Variants in LAMB1 observed in about 807,000 individuals in gnomAD.
LAMB1 encodes laminin subunit beta-1.
A neutral mutation model predicts 222.3 loss-of-function variants in LAMB1; 121 were observed. That is an observed-to-expected ratio of 0.54 (90% CI 0.47 to 0.63). LAMB1 has a LOEUF of 0.63. Among genes scored for constraint, LAMB1 ranks in the 30% least tolerant of loss-of-function variants. LAMB1 has a pLI of 0.00. For missense variants in LAMB1, 2,172 were observed against 2,240.8 expected (o/e 0.97, Z 0.62); for synonymous variants, 794 against 807.2 (o/e 0.98, Z 0.28).
At chr7:107,969,571 A>G (rs767135387) in intron 13 of LAMB1, among the ~76,000 whole-genome samples, 21 of 152,342 alleles carry the variant, frequency 1.4e-4, no homozygotes, top group Non-Finnish European at 2.8e-4. Context: ...ATCACAGTAT[A>G]GTCATGTGTC....
At chr7:108,001,877 G>C in intron 2 of LAMB1, 144 bp from the exon 3 acceptor site, 1 of 1,487,598 alleles carries the variant, frequency 6.7e-7, no homozygotes, top group Non-Finnish European at 9.0e-7. Context: ...AAAGACAATG[G>C]AGAGATGAGC....
At chr7:107,932,472 T>A in intron 27 of LAMB1, 95 bp from the exon 28 acceptor site, 1 of 1,193,800 alleles carries the variant, frequency 8.4e-7, no homozygotes, top group Non-Finnish European at 1.2e-6. Context: ...AGAGAATGTG[T>A]AGGTGGTCCT....
intron 27 of LAMB1, among the ~76,000 whole-genome samples, chr7:107,934,292 G>A (rs1280762284): frequency 6.6e-6 from 1 of 152,150 alleles, no homozygotes; most frequent in Non-Finnish European, 1.5e-5. Context: ...AGAGGAGGGA[G>A]GAAGCATCAC....
At chr7:107,968,364 A>G (rs1355772083) in intron 13 of LAMB1, among the ~76,000 whole-genome samples, 2 of 152,246 alleles carry the variant, frequency 1.3e-5, no homozygotes, top group African/African-American at 4.8e-5. Context: ...ATAAGGACAT[A>G]AAATAAATAA....
At chr7:107,951,729 T>C (rs2033255076) in intron 23 of LAMB1, among the ~76,000 whole-genome samples, 1 of 152,126 alleles carries the variant, frequency 6.6e-6, no homozygotes, top group African/African-American at 2.4e-5. Context: ...AGAGTCTGCT[T>C]CAGCGCCCAG....
intron 13 of LAMB1, 27 bp downstream of exon 13, chr7:107,972,965 C>G (rs1562997477): frequency 6.4e-7 from 1 of 1,561,344 alleles, no homozygotes; most frequent in Non-Finnish European, 8.8e-7. Context: ...AGACTGAGGA[C>G]AAGAGCATAC....
At chr7:107,978,409 CTGAG>C (rs1305520907) in intron 8 of LAMB1, among the ~76,000 whole-genome samples, 4 of 148,170 alleles carry the variant, frequency 2.7e-5, no homozygotes, top group African/African-American at 7.5e-5. Flanking sequence ...AAATATTTTA[CTGAG>C]TATCTATGAA....
rs2033806705 is a variant in LAMB1 at position 107,974,189 on chromosome 7, G to C, written c.1482+797C>G. ...GGGGTAGTGAATCCTCCCTAAATTAGAAAGTATAACAATGTTATTAAAAAT... is the reference window on the plus strand; with the variant it reads ...GGGGTAGTGAATCCTCCCTAAATTACAAAGTATAACAATGTTATTAAAAAT... On this transcript the variant is annotated intron_variant, in intron 12 of 33. Transcript: ENST00000222399. 2.0e-5 allele frequency among the ~76,000 whole-genome samples: 3 copies of C among 152,000 alleles called. No individual in the cohort carries two copies. The South Asian group carries it at 6.2e-4, about 31-fold the overall frequency.
chr7:107,941,046 A>C (rs1049737992), intron 24 of LAMB1, among the ~76,000 whole-genome samples: 10 of 152,360 alleles, frequency 6.6e-5, no homozygotes, highest in African/African-American at 2.4e-4. Context: ...GGTGTCTGCC[A>C]TTGTGATGAC....
Position 108,001,556 on chromosome 7 carries a change from AC to A in LAMB1, c.213+1del, listed in dbSNP as rs1277262601. 6.3e-7 allele frequency: 1 copy of A among 1,593,938 alleles called. No individual in the cohort carries two copies. The highest frequency in any genetic ancestry group is 8.6e-7 in the Non-Finnish European group (1 of 1,166,026). On this transcript the variant is annotated splice_donor_variant, in intron 3 of 33. Coordinates refer to ENST00000222399, the MANE Select transcript of LAMB1 (RefSeq NM_002291.3). LOFTEE classifies it high-confidence loss of function. ...GCCTCGAACCCCGCTCTCAGCCCTC[AC>A]CTGCAAGTGGCTGACGATACAGTAG...
intron 13 of LAMB1, among the ~76,000 whole-genome samples, chr7:107,966,859 A>G (rs2033646941): frequency 6.6e-6 from 1 of 152,256 alleles, no homozygotes; most frequent in Non-Finnish European, 1.5e-5. Context: ...AGAGCTGATC[A>G]TGTGAAAGGA....
rs1261255789 is a variant in LAMB1, at chr7:107,961,542, C to T, written c.1985+7G>A. The T allele has an allele frequency of 6.2e-7, 1 of 1,610,538 alleles. No homozygotes were observed. On this transcript the variant is annotated splice_region_variant and intron_variant, in intron 16 of 33. Transcript: ENST00000222399. ...CCGTTGAGCTGCCAAACCACCGTCA[C>T]ACTGACCTTGAGCCTGGTGATAATG...
At position 107,971,725 on chromosome 7, in the gene LAMB1, C is replaced by T. The variant is rs375825999; in HGVS notation, c.1562+1267G>A. On this transcript the variant is annotated intron_variant, in intron 13 of 33. Transcript: ENST00000222399. ...ATTCTGGTTTTTATAAATTTTTGCA[C>T]AAGAGATTAGAGGGCAGGCTAGGGC... is the stretch of plus-strand genomic sequence containing the variant. Among the ~76,000 whole-genome samples, 9 of 152,178 alleles carry T rather than the reference C, an allele frequency of 5.9e-5. No homozygotes were observed. The South Asian group carries it at 1.9e-3, about 32-fold the overall frequency.
At chr7:107,986,531 A>G (rs1036602751) in intron 5 of LAMB1, among the ~76,000 whole-genome samples, 168 bp from the exon 6 acceptor site, 2 of 152,102 alleles carry the variant, frequency 1.3e-5, no homozygotes, top group African/African-American at 2.4e-5. Context: ...TTCCACAGAG[A>G]CTCTTCTTGC....
intron 25 of LAMB1, among the ~76,000 whole-genome samples, chr7:107,937,753 C>G (rs2032880993): frequency 6.6e-6 from 1 of 152,186 alleles, no homozygotes; most frequent in Non-Finnish European, 1.5e-5. Context: ...CTATAGCCTG[C>G]CACAAAGACA....
chr7:107,953,695 AC>A lies in LAMB1; in HGVS notation c.2913del (p.Ser972ArgfsTer89). 6.2e-7 allele frequency: 1 copy of A among 1,613,424 alleles called. No homozygotes were observed. Reference sequence around the variant, plus strand: ...TTGTGACACTGGCAAGGCTGACACGACCCCCCAACTTCTGATGGATTGCCAA... The same window carrying A: ...TTGTGACACTGGCAAGGCTGACACGACCCCCAACTTCTGATGGATTGCCAA... ...GYFGNPSEVG[G>X]SCQPCQCHNN... is the part of the protein sequence containing the mutation. On this transcript the variant is annotated frameshift_variant, in exon 22 of 34. Coordinates refer to ENST00000222399, the MANE Select transcript of LAMB1 (RefSeq NM_002291.3). LOFTEE classifies it high-confidence loss of function.
chr7:107,940,466 C>G, intron 24 of LAMB1, 108 bp from the exon 25 acceptor site: 2 of 1,199,758 alleles, frequency 1.7e-6, no homozygotes, highest in Non-Finnish European at 2.3e-6. Context: ...AGGTGTCAAC[C>G]ATCGACAACA....
chr7:107,961,154 G>C (rs765416473), intron 17 of LAMB1, 52 bp downstream of exon 17: 2 of 1,610,346 alleles, frequency 1.2e-6, no homozygotes, highest in Non-Finnish European at 1.7e-6. Context: ...GAGCAGCTGG[G>C]CACTTTCCGC....
chr7:107,985,526 G>A (rs2034056966), intron 7 of LAMB1, among the ~76,000 whole-genome samples: 1 of 152,180 alleles, frequency 6.6e-6, no homozygotes, highest in African/African-American at 2.4e-5. Context: ...CTACTCGGGA[G>A]GCTGAGGCAG....
Sources: gnomAD v4.1 joint callset for allele counts (sites outside exome capture counted in the v4.1 genomes callset) on GRCh38, gnomAD v4.1.1 for gene constraint, MANE v1.5 for transcripts, NCBI Gene and HGNC (gene_info 2026-07-23, HGNC 2026-07-21) for gene names.